Variants in MTCL2 observed in about 807,000 individuals in gnomAD.
MTCL2 encodes the protein microtubule crosslinking factor 2.
At chr20:36,806,842 A>AT in the MTCL2 span, among the ~76,000 whole-genome samples, 1 of 151,924 alleles carries the variant, frequency 6.6e-6, no homozygotes, top group African/African-American at 2.4e-5. Flanking sequence ...TTATGCCCTA[A>AT]TTTTTTTTCC....
At chr20:36,816,005 G>C in the MTCL2 span, 3 of 1,613,592 alleles carry the variant, frequency 1.9e-6, no homozygotes, top group South Asian at 2.2e-5. Flanking sequence ...CCTTCATGTC[G>C]TCCATCTCAG....
chr20:36,841,440 C>T, the MTCL2 span, among the ~76,000 whole-genome samples: 1 of 149,474 alleles, frequency 6.7e-6, no homozygotes, highest in Non-Finnish European at 1.5e-5. Flanking sequence ...TGTTAGGGGA[C>T]ATGATCAGGG....
chr20:36,801,241 C>T, the MTCL2 span, among the ~76,000 whole-genome samples: 8 of 152,160 alleles, frequency 5.3e-5, no homozygotes, highest in Middle Eastern at 6.8e-3. Flanking sequence ...AAACTGGAAA[C>T]AATCTAGATT....
the MTCL2 span, among the ~76,000 whole-genome samples, chr20:36,848,169 G>A: frequency 1.3e-5 from 2 of 152,048 alleles, no homozygotes. Context: ...ATGAGAGAGG[G>A]AGAGCCTGGG....
At chr20:36,862,608 GT>G in the MTCL2 span, 2 of 1,446,820 alleles carry the variant, frequency 1.4e-6, no homozygotes, top group Non-Finnish European at 1.8e-6. Flanking sequence ...CCGCGGGACT[GT>G]GACAGCCGGC....
the MTCL2 span, among the ~76,000 whole-genome samples, chr20:36,854,478 G>A: frequency 1.3e-5 from 2 of 152,174 alleles, no homozygotes; most frequent in African/African-American, 4.8e-5. Flanking sequence ...GCCGGGAACT[G>A]CAAGCACAAA....
the MTCL2 span, among the ~76,000 whole-genome samples, chr20:36,839,709 T>TGGAGGAAGGGGCTGTGATGAC: frequency 3.3e-5 from 5 of 152,308 alleles, no homozygotes; most frequent in African/African-American, 4.8e-5. The surrounding 1 kb of genome is among the most constrained non-coding windows in gnomAD (Gnocchi z 5.1). Flanking sequence ...GCTTTGATGT[T>TGGAGGAAGGGGCTGTGATGAC]GGAGGAAGGG....
At chr20:36,852,359 C>T in the MTCL2 span, among the ~76,000 whole-genome samples, 5 of 152,144 alleles carry the variant, frequency 3.3e-5, no homozygotes, top group East Asian at 1.9e-4. Context: ...TGGAGTGGGC[C>T]GGCAGTGGCC....
the MTCL2 span, among the ~76,000 whole-genome samples, chr20:36,845,042 GAA>G: frequency 6.7e-6 from 1 of 149,256 alleles, no homozygotes; most frequent in East Asian, 2.1e-4. Flanking sequence ...AGAAGAAGAA[GAA>G]AAGAAAAAGA....
chr20:36,794,331 G>A, the MTCL2 span: 2 of 1,579,130 alleles, frequency 1.3e-6, no homozygotes, highest in Non-Finnish European at 1.7e-6. The surrounding 1 kb of genome is among the most constrained non-coding windows in gnomAD (Gnocchi z 5.4). Context: ...TAGTAGACTC[G>A]GATGCCCGTC....
the MTCL2 span, among the ~76,000 whole-genome samples, chr20:36,861,743 C>G: frequency 6.6e-6 from 1 of 152,146 alleles, no homozygotes; most frequent in Admixed American, 6.5e-5. Context: ...GAGGTCAACA[C>G]GTGCAAGCTG....
chr20:36,793,463 G>A, the MTCL2 span: 47 of 1,551,040 alleles, frequency 3.0e-5, no homozygotes, highest in East Asian at 1.5e-4. This position sits in a 1 kb window ranked among gnomAD's most constrained non-coding sequence, Gnocchi z 6.8. Flanking sequence ...GGTGGGGCTC[G>A]GTGCCCGGCC....
chr20:36,785,685 T>C, the MTCL2 span: 1 of 985,342 alleles, frequency 1.0e-6, no homozygotes, highest in Non-Finnish European at 1.2e-6. Context: ...CACCAGGTCT[T>C]GAGACTGACT....
the MTCL2 span, among the ~76,000 whole-genome samples, chr20:36,799,469 G>A: frequency 1.3e-5 from 2 of 151,592 alleles, no homozygotes; most frequent in African/African-American, 4.9e-5. Context: ...TCTAGTCTGG[G>A]CAACAAGAGT....
chr20:36,842,249 A>G, the MTCL2 span, among the ~76,000 whole-genome samples: 1 of 152,210 alleles, frequency 6.6e-6, no homozygotes, highest in Admixed American at 6.5e-5. Flanking sequence ...CTCCCAACAA[A>G]TATTAACTGA....
chr20:36,815,334 C>T, the MTCL2 span: 1 of 1,613,798 alleles, frequency 6.2e-7, no homozygotes, highest in Non-Finnish European at 8.5e-7. The surrounding 1 kb of genome is among the most constrained non-coding windows in gnomAD (Gnocchi z 5.3). Context: ...GTCCCTGGGG[C>T]CCTCGCTGTT....
the MTCL2 span, chr20:36,863,193 C>G: frequency 8.1e-7 from 1 of 1,241,276 alleles, no homozygotes; most frequent in Non-Finnish European, 1.0e-6. The surrounding 1 kb of genome is among the most constrained non-coding windows in gnomAD (Gnocchi z 6.2). Context: ...TGGGCCGCGG[C>G]GGCCCTTAGC....
At chr20:36,832,434 A>G in the MTCL2 span, among the ~76,000 whole-genome samples, 2 of 152,054 alleles carry the variant, frequency 1.3e-5, no homozygotes, top group Non-Finnish European at 2.9e-5. Context: ...AACTCTATGG[A>G]TTTCATCCCC....
chr20:36,819,973 G>A, the MTCL2 span, among the ~76,000 whole-genome samples: 1 of 152,194 alleles, frequency 6.6e-6, no homozygotes, highest in African/African-American at 2.4e-5. Context: ...GGAGGCAGCA[G>A]ACAAGGGCAG....
Sources: gnomAD v4.1 joint callset for allele counts (sites outside exome capture counted in the v4.1 genomes callset) on GRCh38, gnomAD v4.1.1 for gene constraint, Gnocchi (gnomAD v3.1) non-coding constraint, MANE v1.5 for transcripts, NCBI Gene and HGNC (gene_info 2026-07-23, HGNC 2026-07-21) for gene names.